GAPDH: variants seen among roughly 807,000 people sequenced by gnomAD.
GAPDH encodes glyceraldehyde-3-phosphate dehydrogenase, also known as OCAS, p38 component.
Under a neutral mutation model 31.2 loss-of-function variants are expected in GAPDH, and 13 were observed. That is an observed-to-expected ratio of 0.42 (90% CI 0.27 to 0.66). GAPDH has a LOEUF of 0.66. Ranked by LOEUF, GAPDH falls within the 30% of genes least tolerant of loss-of-function variation. The probability of loss-of-function intolerance (pLI) is 0.26; values close to 1 mark genes in which losing one functional copy is unlikely to be tolerated. For synonymous variants in GAPDH, 211 were observed against 166.9 expected, an observed-to-expected ratio of 1.26 and a Z score of -2.04; for missense variants, 300 against 443.7, an observed-to-expected ratio of 0.68 and a Z score of 2.91.
rs1394497508 is a variant in GAPDH, at chr12:6,537,301, C to G, written c.444-8C>G. The G allele has an allele frequency of 6.3e-7, 1 of 1,599,476 alleles. No homozygotes were observed. Among genetic ancestry groups the G allele is most frequent in the Non-Finnish European group, 8.5e-7 (1 of 1,179,244 alleles). On this transcript the variant is annotated splice_polypyrimidine_tract_variant and splice_region_variant and intron_variant, in intron 6 of 8. Coordinates refer to ENST00000229239, the MANE Select transcript of GAPDH (RefSeq NM_002046.7). The surrounding 1 kb of genome is among the most constrained non-coding windows in gnomAD (Gnocchi z 4.9). ...CTGACTTGCGCCCCGCTCCCTCTTT[C>G]TTTGCAGCAATGCCTCCTGCACCAC...
intron 2 of GAPDH, chr12:6,535,197 G>A: frequency 9.0e-7 from 1 of 1,105,848 alleles, no homozygotes; most frequent in South Asian, 3.2e-5. Flanking sequence ...TGTCGCAGAG[G>A]AGCCCCTCCC....
intron 2 of GAPDH, chr12:6,535,254 G>T (rs997905847): frequency 3.8e-6 from 4 of 1,052,148 alleles, no homozygotes; most frequent in African/African-American, 1.7e-5. Context: ...TGCGCAGCGG[G>T]TGCATCCCTG....
At chr12:6,534,717 G>T (rs1946418894) in intron 1 of GAPDH, 93 bp from the exon 2 acceptor site, 4 of 1,114,974 alleles carry the variant, frequency 3.6e-6, no homozygotes, top group African/African-American at 3.1e-5. Flanking sequence ...GATGCGGCGC[G>T]GGCTGGGCAT....
intron 1 of GAPDH, 109 bp downstream of exon 1, chr12:6,534,678 T>G (rs371892266): frequency 9.6e-6 from 8 of 837,290 alleles, no homozygotes; most frequent in Non-Finnish European, 1.4e-5. Context: ...CCGGGCGGCC[T>G]CCGCATTGCA....
Position 6,537,457 on chromosome 12 carries a change from G to A in GAPDH, c.525+67G>A, listed in dbSNP as rs893894490. On this transcript the variant is annotated intron_variant, in intron 7 of 8. Transcript: ENST00000229239. The surrounding 1 kb of genome is among the most constrained non-coding windows in gnomAD (Gnocchi z 4.9). Reference sequence around the variant, plus strand: ...CATCCAAGACTGGCTCCTCCCTGCCGGGGCTGCGTGCAACCCTGGGGTTGG... The same window carrying A: ...CATCCAAGACTGGCTCCTCCCTGCCAGGGCTGCGTGCAACCCTGGGGTTGG... 79 of 1,578,910 alleles carry A rather than the reference G, an allele frequency of 5.0e-5. 1 individual carries two copies. Among genetic ancestry groups the A allele is most frequent in the Middle Eastern group, 2.0e-4 (1 of 5,084 alleles).
In GAPDH at chr12:6,534,822, G is replaced by T; in HGVS notation, c.-11G>T. Reference sequence around the variant, plus strand: ...TCCCTCCGCGCAGCCGAGCCACATCGCTCAGACACCATGGGGAAGGTGAAG... The same window carrying T: ...TCCCTCCGCGCAGCCGAGCCACATCTCTCAGACACCATGGGGAAGGTGAAG... On this transcript the variant is annotated 5_prime_UTR_variant, in exon 2 of 9. Transcript: ENST00000229239. The T allele has an allele frequency of 6.2e-7, 1 of 1,613,538 alleles. No individual in the cohort carries two copies. Among genetic ancestry groups the T allele is most frequent in the Non-Finnish European group, 8.5e-7 (1 of 1,179,796 alleles).
At chr12:6,535,138 C>A in intron 2 of GAPDH, 1 of 956,802 alleles carries the variant, frequency 1.0e-6, no homozygotes, top group Non-Finnish European at 1.4e-6. Flanking sequence ...CCGACCCGGA[C>A]CCCTAGGTGG....
Position 6,536,689 on chromosome 12 carries a change from C to T in GAPDH, c.135C>T (p.Tyr45=), listed in dbSNP as rs1946474895. 3 of 1,613,392 alleles carry T rather than the reference C, an allele frequency of 1.9e-6. No homozygotes were observed. Among genetic ancestry groups the T allele is most frequent in the Non-Finnish European group, 2.5e-6 (3 of 1,179,386 alleles). ...ACCCTCACGTATTCCCCCAGGTTTA[C>T]ATGTTCCAATATGATTCCACCCATG... The part of the protein sequence containing the change: ...DPFIDLNYMV[Y]MFQYDSTHGK... Residue 45 remains tyrosine, a synonymous_variant, in exon 4 of 9, where the codon TAC becomes TAT. Transcript: ENST00000229239.
chr12:6,537,558 G>A lies in GAPDH; in HGVS notation c.526-26G>A, dbSNP rs543398946. The A allele has an allele frequency of 3.3e-5, 53 of 1,601,574 alleles. No individual in the cohort carries two copies. The highest frequency in any genetic ancestry group is 2.1e-4 in the Middle Eastern group (1 of 4,822). ...GGTAGAGGGGTGATGTGGGGAGTAC[G>A]CTGCAGGGCCTCACTCCTTTTGCAG... On this transcript the variant is annotated intron_variant, in intron 7 of 8. Transcript: ENST00000229239. The surrounding 1 kb of genome is among the most constrained non-coding windows in gnomAD (Gnocchi z 4.9).
intron 2 of GAPDH, chr12:6,535,383 A>T: frequency 1.0e-6 from 1 of 989,018 alleles, no homozygotes; most frequent in South Asian, 4.5e-5. Flanking sequence ...CGATGGGTGG[A>T]GTCGCGTGTG....
chr12:6,537,117 G>C lies in GAPDH; in HGVS notation c.344G>C (p.Gly115Ala), dbSNP rs11549340. The change falls in exon 6 of 9, where the codon GGA becomes GCA. Residue 115 changes from glycine to alanine, a missense_variant. Physicochemically the swap from Gly to Ala is moderately conservative, Grantham distance 60 (BLOSUM62 0). Coordinates refer to ENST00000229239, the MANE Select transcript of GAPDH (RefSeq NM_002046.7). The surrounding 1 kb of genome is among the most constrained non-coding windows in gnomAD (Gnocchi z 4.9). Reference sequence around the variant, plus strand: ...CTGCTGTAGGCTCATTTGCAGGGGGGAGCCAAAAGGGTCATCATCTCTGCC... The same window carrying C: ...CTGCTGTAGGCTCATTTGCAGGGGGCAGCCAAAAGGGTCATCATCTCTGCC... ...MEKAGAHLQGGAKRVIISAPS... is the reference protein window; with the variant it reads ...MEKAGAHLQGAAKRVIISAPS... 1 of 1,613,854 alleles carries C rather than the reference G, an allele frequency of 6.2e-7. No homozygotes were observed. Among genetic ancestry groups the C allele is most frequent in the Non-Finnish European group, 8.5e-7 (1 of 1,179,908 alleles).
chr12:6,534,609 G>T (rs1223851066), intron 1 of GAPDH, 40 bp downstream of exon 1: 1 of 585,952 alleles, frequency 1.7e-6, no homozygotes, highest in African/African-American at 2.0e-5. Flanking sequence ...GCTAGGGACG[G>T]CCTGAAGGCG....
At position 6,536,969 on chromosome 12, in the gene GAPDH, G is replaced by C. The variant is rs770105201; in HGVS notation, c.286G>C (p.Val96Leu). The change falls in exon 5 of 9, where the codon GTG becomes CTG. Residue 96 changes from valine (V) to leucine (L), a missense_variant. Physicochemically the swap from Val to Leu is conservative, Grantham distance 32 (BLOSUM62 1). Coordinates refer to ENST00000229239, the MANE Select transcript of GAPDH (RefSeq NM_002046.7). The part of the protein sequence containing the change: ...KWGDAGAEYV[V>L]ESTGVFTTME... Reference sequence around the variant, plus strand: ...GGGCGATGCTGGCGCTGAGTACGTCGTGGAGTCCACTGGCGTCTTCACCAC... The same window carrying C: ...GGGCGATGCTGGCGCTGAGTACGTCCTGGAGTCCACTGGCGTCTTCACCAC... The C allele has an allele frequency of 1.2e-6, 2 of 1,613,752 alleles. No homozygotes were observed. The highest frequency in any genetic ancestry group is 1.7e-6 in the Non-Finnish European group (2 of 1,179,962).
At position 6,538,214 on chromosome 12, in the gene GAPDH, A is replaced by G; in HGVS notation, c.*44A>G. 1 of 1,510,880 alleles carries G rather than the reference A, an allele frequency of 6.6e-7. No homozygotes were observed. Among genetic ancestry groups the G allele is most frequent in the African/African-American group, 1.4e-5 (1 of 73,080 alleles). The allele number at this position is 1,510,880 out of a possible 1,614,324, so 93.6% of individuals were successfully genotyped here. A position where few individuals can be genotyped will look rare whatever the true frequency, so the allele number is the denominator to read the frequency against. On this transcript the variant is annotated 3_prime_UTR_variant, in exon 9 of 9. Transcript: ENST00000229239. ...CCCAGCAAGAGCACAAGAGGAAGAG[A>G]GAGACCCTCACTGCTGGGGAGTCCC...
chr12:6,536,405 C>T (rs986097393), intron 2 of GAPDH, 89 bp from the exon 3 acceptor site: 2 of 915,940 alleles, frequency 2.2e-6, no homozygotes, highest in Admixed American at 1.7e-5. Flanking sequence ...ATGCTGCATT[C>T]GCCCTCTTAA....
chr12:6,537,255 G>T lies in GAPDH; in HGVS notation c.443+39G>T. 1 of 1,595,978 alleles carries T rather than the reference G, an allele frequency of 6.3e-7. No homozygotes were observed. Among genetic ancestry groups the T allele is most frequent in the Non-Finnish European group, 8.5e-7 (1 of 1,175,138 alleles). ...GGCCCGTGGAGAAGCGGCCAGCCTG[G>T]CACCCTATGGACACGCTCCCCTGAC... On this transcript the variant is annotated intron_variant, in intron 6 of 8. Coordinates refer to ENST00000229239, the MANE Select transcript of GAPDH (RefSeq NM_002046.7). The surrounding 1 kb of genome is among the most constrained non-coding windows in gnomAD (Gnocchi z 4.9).
chr12:6,537,598 C>T lies in GAPDH; in HGVS notation c.540C>T (p.Ala180=), dbSNP rs1419055086. 1.9e-6 allele frequency: 3 copies of T among 1,611,736 alleles called. No homozygotes were observed. Among genetic ancestry groups the T allele is most frequent in the Non-Finnish European group, 1.7e-6 (2 of 1,179,578 alleles). ...IVEGLMTTVH[A]ITATQKTVDG... is the part of the protein sequence containing the mutation. ...TCCTTTTGCAGACCACAGTCCATGC[C>T]ATCACTGCCACCCAGAAGACTGTGG... Residue 180 remains alanine (A), a synonymous_variant, in exon 8 of 9, where the codon GCC becomes GCT. Transcript: ENST00000229239. The surrounding 1 kb of genome is among the most constrained non-coding windows in gnomAD (Gnocchi z 4.9).
At position 6,537,076 on chromosome 12, in the gene GAPDH, A is replaced by G. The variant is rs759382699; in HGVS notation, c.328-25A>G. The G allele has an allele frequency of 6.2e-6, 10 of 1,609,038 alleles. No individual in the cohort carries two copies. The African/African-American group carries it at 6.7e-5, about 11-fold the overall frequency. ...CCCTGCAAAGGCAGGACCCGGGTTC[A>G]TAACTGTCTGCTTCTCTGCTGTAGG... On this transcript the variant is annotated intron_variant, in intron 5 of 8. Coordinates refer to ENST00000229239, the MANE Select transcript of GAPDH (RefSeq NM_002046.7). This position sits in a 1 kb window ranked among gnomAD's most constrained non-coding sequence, Gnocchi z 4.9.
In GAPDH at chr12:6,537,287, C is replaced by T. The variant is rs1416197292; in HGVS notation, c.444-22C>T. The stretch of plus-strand genomic sequence containing the variant: ...ATGGACACGCTCCCCTGACTTGCGC[C>T]CCGCTCCCTCTTTCTTTGCAGCAAT... On this transcript the variant is annotated intron_variant, in intron 6 of 8. Coordinates refer to ENST00000229239, the MANE Select transcript of GAPDH (RefSeq NM_002046.7). The surrounding 1 kb of genome is among the most constrained non-coding windows in gnomAD (Gnocchi z 4.9). The T allele has an allele frequency of 1.9e-6, 3 of 1,600,830 alleles. No individual in the cohort carries two copies. Among genetic ancestry groups the T allele is most frequent in the East Asian group, 2.3e-5 (1 of 43,700 alleles).
Sources: allele counts gnomAD v4.1 joint callset, GRCh38; gene constraint gnomAD v4.1.1; non-coding constraint Gnocchi (gnomAD v3.1); transcripts MANE v1.5; gene names NCBI Gene and HGNC (gene_info 2026-07-23, HGNC 2026-07-21).